The following RARB variants were observed in gnomAD, a reference collection of about 807,000 sequenced individuals.
RARB encodes HBV-activated protein.
Under a neutral mutation model 51.9 loss-of-function variants are expected in RARB, and 17 were observed. The observed-to-expected ratio is 0.33, with a 90% CI of 0.22 to 0.49. The LOEUF (loss-of-function observed/expected upper bound fraction) is 0.49. Among genes scored for constraint, RARB ranks in the 20% least tolerant of loss-of-function variants. The pLI, the probability that RARB is intolerant of heterozygous loss-of-function variation, is 0.99. For synonymous variants in RARB, 215 were observed against 195.4 expected, an observed-to-expected ratio of 1.10 and a Z score of -0.84; for missense variants, 369 against 550.8, an observed-to-expected ratio of 0.67 and a Z score of 3.30.
intron 4 of RARB, among the ~76,000 whole-genome samples, chr3:25,173,611 A>T (rs1700683961): frequency 6.6e-6 from 1 of 152,222 alleles, no homozygotes; most frequent in Non-Finnish European, 1.5e-5. Flanking sequence ...TAAAATTTGG[A>T]AGCATATCAG....
intron 5 of RARB, among the ~76,000 whole-genome samples, chr3:25,267,902 A>C (rs1028143055): frequency 2.0e-5 from 3 of 152,190 alleles, no homozygotes; most frequent in Admixed American, 2.0e-4. Context: ...TAGAAATCTA[A>C]TATGGAAAAT....
intron 2 of RARB, among the ~76,000 whole-genome samples, chr3:24,901,363 C>T (rs556650757): frequency 6.6e-6 from 1 of 152,218 alleles, no homozygotes; most frequent in South Asian, 2.1e-4. Flanking sequence ...GAAAGGAGAA[C>T]AACAGAACAA....
chr3:25,331,609 A>G (rs148783133), intron 5 of RARB, among the ~76,000 whole-genome samples: 1 of 152,236 alleles, frequency 6.6e-6, no homozygotes. Context: ...CATCACAATT[A>G]AAAGAACTGA....
intron 2 of RARB, among the ~76,000 whole-genome samples, chr3:25,473,164 G>A (rs757488818): frequency 2.6e-5 from 4 of 152,116 alleles, no homozygotes; most frequent in Non-Finnish European, 5.9e-5. Context: ...TTTCTCTTGT[G>A]CCTTTTAGGA....
At chr3:25,286,352 T>G (rs1052016730) in intron 5 of RARB, among the ~76,000 whole-genome samples, 1 of 152,192 alleles carries the variant, frequency 6.6e-6, no homozygotes, top group African/African-American at 2.4e-5. Context: ...CCTCCCAAAG[T>G]GCTGGGATTA....
chr3:24,912,438 T>C (rs1695009359), intron 2 of RARB, among the ~76,000 whole-genome samples: 1 of 152,114 alleles, frequency 6.6e-6, no homozygotes, highest in South Asian at 2.1e-4. Flanking sequence ...AAGTGGTCAT[T>C]ATTATTCGGT....
At chr3:25,413,128 T>C (rs545434483) in intron 5 of RARB, among the ~76,000 whole-genome samples, 1 of 152,322 alleles carries the variant, frequency 6.6e-6, no homozygotes, top group Non-Finnish European at 1.5e-5. Flanking sequence ...GTATCCTCAC[T>C]TCTAACAACA....
intron 3 of RARB, among the ~76,000 whole-genome samples, chr3:25,084,740 G>C (rs1355323015): frequency 6.8e-6 from 1 of 146,214 alleles, no homozygotes; most frequent in Non-Finnish European, 1.5e-5. Flanking sequence ...ATCTGTTTGG[G>C]GTTTTTTTTA....
chr3:25,398,987 A>G (rs1259148924), intron 5 of RARB, among the ~76,000 whole-genome samples: 1 of 152,166 alleles, frequency 6.6e-6, no homozygotes, highest in Non-Finnish European at 1.5e-5. Flanking sequence ...TCTTGCCCAA[A>G]GTCCCCAGAT....
At position 25,199,211 on chromosome 3, in the gene RARB, A is replaced by T. The variant is rs1416992211; in HGVS notation, c.178+24636A>T. ...AGACAGGCACAGAAAGATAAACATC[A>T]CATGGTCTCACTTATTTGAGGGAGC... On this transcript the variant is annotated intron_variant, in intron 5 of 11. Coordinates refer to the RARB transcript ENST00000383772. Among the ~76,000 whole-genome samples the T allele has an allele frequency of 2.0e-5, 3 of 152,068 alleles. No homozygotes were observed. The East Asian group carries it at 5.8e-4, about 29-fold the overall frequency.
At chr3:25,485,792 G>A (rs1367760817) in intron 2 of RARB, among the ~76,000 whole-genome samples, 1 of 152,060 alleles carries the variant, frequency 6.6e-6, no homozygotes, top group Admixed American at 6.5e-5. Context: ...GGTTCCCTTC[G>A]GGAACAGAGG....
intron 2 of RARB, among the ~76,000 whole-genome samples, chr3:24,990,917 T>C (rs1376634506): frequency 2.0e-5 from 3 of 152,234 alleles, no homozygotes; most frequent in Admixed American, 6.5e-5. Flanking sequence ...TTTTGGCCTA[T>C]AAAGGTCTTG....
chr3:25,431,606 C>T (rs1453786333), intron 1 of RARB, among the ~76,000 whole-genome samples: 1 of 152,070 alleles, frequency 6.6e-6, no homozygotes, highest in African/African-American at 2.4e-5. Flanking sequence ...ACATTAATTG[C>T]TCAGTGGGTA....
chr3:25,520,979 TA>T (rs1698377739), intron 3 of RARB, among the ~76,000 whole-genome samples: 1 of 152,178 alleles, frequency 6.6e-6, no homozygotes, highest in Admixed American at 6.6e-5. Context: ...TTTATACACC[TA>T]AGGGAGTTTG....
At chr3:25,427,101 G>C (rs555612747), upstream of RARB, among the ~76,000 whole-genome samples, 6 of 152,296 alleles carry the variant, frequency 3.9e-5, no homozygotes, top group South Asian at 1.0e-3. Flanking sequence ...TGATGAGAGA[G>C]GCAACCAACA....
In RARB at chr3:25,239,659, C is replaced by T. The variant is rs538831939; in HGVS notation, c.178+65084C>T. 7.9e-5 allele frequency among the ~76,000 whole-genome samples: 12 copies of T among 152,180 alleles called. No individual in the cohort carries two copies. In the South Asian group the frequency reaches 1.2e-3, roughly 16 times the overall value. On this transcript the variant is annotated intron_variant, in intron 5 of 11. Transcript: ENST00000383772. ...TCCTCTATTCTGTTCCGTTGGTCTG[C>T]GCATCTGTTTTTATGCCAATATAAT...
At chr3:24,949,435 A>T (rs188333039) in intron 2 of RARB, among the ~76,000 whole-genome samples, 2 of 152,344 alleles carry the variant, frequency 1.3e-5, no homozygotes, top group African/African-American at 4.8e-5. Flanking sequence ...TCGAAGATCA[A>T]ATAGGAGGAA....
chr3:24,888,802 T>C (rs893382050), intron 2 of RARB, among the ~76,000 whole-genome samples: 4 of 152,196 alleles, frequency 2.6e-5, no homozygotes, highest in Non-Finnish European at 5.9e-5. Context: ...ATTCTTGTTG[T>C]AGAATATGTG....
chr3:25,179,382 T>G (rs1700818758), intron 5 of RARB, among the ~76,000 whole-genome samples: 1 of 152,226 alleles, frequency 6.6e-6, no homozygotes, highest in Non-Finnish European at 1.5e-5. Context: ...TAGTCTTGTC[T>G]TCTTTCTATT....
Sources: allele counts gnomAD v4.1 joint callset (sites outside exome capture counted in the v4.1 genomes callset), GRCh38; gene constraint gnomAD v4.1.1; transcripts MANE v1.5; gene names NCBI Gene and HGNC (gene_info 2026-07-23, HGNC 2026-07-21).